The following GRID2 variants were observed in gnomAD, a reference collection of about 807,000 sequenced individuals.
The protein encoded by GRID2 is glutamate ionotropic receptor delta type subunit 2.
A neutral mutation model predicts 114.8 loss-of-function variants in GRID2; 33 were observed. The observed-to-expected ratio is 0.29, with a 90% confidence interval of 0.22 to 0.38. The LOEUF (loss-of-function observed/expected upper bound fraction) is 0.38, where lower values mean the gene tolerates loss of function less well. Ranked by LOEUF, GRID2 falls within the 10% of genes least tolerant of loss-of-function variation. The pLI, the probability that GRID2 is intolerant of heterozygous loss-of-function variation, is 1.00. For missense variants in GRID2, 1,184 were observed against 1,257.7 expected (o/e 0.94, Z 0.89); for synonymous variants, 505 against 449.9 (o/e 1.12, Z -1.55).
intron 1 of GRID2, among the ~76,000 whole-genome samples, chr4:92,469,108 ATACT>A (rs1181717662): frequency 6.6e-6 from 1 of 152,166 alleles, no homozygotes; most frequent in African/African-American, 2.4e-5. Context: ...ACTACCTAAC[ATACT>A]TAAGAAACTT....
At chr4:93,786,678 T>A (rs764044745) in intron 1 of GRID2, among the ~76,000 whole-genome samples, 1 of 152,090 alleles carries the variant, frequency 6.6e-6, no homozygotes, top group Non-Finnish European at 1.5e-5. Flanking sequence ...GAGTGAGAGG[T>A]CAGAAATTTA....
At chr4:93,163,938 A>G (rs1290455910) in intron 4 of GRID2, among the ~76,000 whole-genome samples, 1 of 151,980 alleles carries the variant, frequency 6.6e-6, no homozygotes, top group Non-Finnish European at 1.5e-5. Context: ...TACAGAAGTT[A>G]TAGCATGGAA....
At chr4:92,537,417 A>G (rs1725696475) in intron 1 of GRID2, among the ~76,000 whole-genome samples, 1 of 152,182 alleles carries the variant, frequency 6.6e-6, no homozygotes, top group South Asian at 2.1e-4. Flanking sequence ...GCTGCATTGA[A>G]TGTGTCCCTT....
intron 2 of GRID2, among the ~76,000 whole-genome samples, chr4:92,636,516 C>T (rs991713458): frequency 1.3e-5 from 2 of 152,060 alleles, no homozygotes; most frequent in Non-Finnish European, 2.9e-5. Context: ...ATCCATCCAT[C>T]ACTTGGTGAT....
chr4:92,332,423 C>A (rs1726940618), intron 1 of GRID2, among the ~76,000 whole-genome samples: 1 of 152,118 alleles, frequency 6.6e-6, no homozygotes, highest in South Asian at 2.1e-4. Flanking sequence ...CACTATTGCA[C>A]TGGGGAATAA....
chr4:92,886,780 C>A (rs1424997570), intron 2 of GRID2, among the ~76,000 whole-genome samples: 1 of 152,028 alleles, frequency 6.6e-6, no homozygotes, highest in African/African-American at 2.4e-5. Context: ...TGCCCGCCAC[C>A]ACGTCCGGCT....
chr4:92,935,779 G>A lies in GRID2; in HGVS notation c.245-149216G>A, dbSNP rs182934299. On this transcript the variant is annotated intron_variant, in intron 2 of 15. Coordinates refer to ENST00000282020, the MANE Select transcript of GRID2 (RefSeq NM_001510.4). ...AAATTATCATTCTGAGTAAACTATC[G>A]CAAGGACAAAAAACCAAACACTGCA... Among the ~76,000 whole-genome samples, 20 of 144,774 alleles carry A rather than the reference G, an allele frequency of 1.4e-4. 1 individual carries two copies. The highest frequency in any genetic ancestry group is 7.1e-4 in the South Asian group (3 of 4,196). 95.0% of individuals were successfully genotyped at this position (144,774 alleles called of 152,430 possible). A position where few individuals can be genotyped will look rare whatever the true frequency, so the allele number is the denominator to read the frequency against.
At chr4:93,123,589 C>T (rs545287052) in intron 4 of GRID2, among the ~76,000 whole-genome samples, 7 of 152,184 alleles carry the variant, frequency 4.6e-5, no homozygotes, top group South Asian at 2.1e-4. Flanking sequence ...GCTGTAAACA[C>T]GAAGTGTGCA....
intron 1 of GRID2, among the ~76,000 whole-genome samples, chr4:92,338,385 T>C (rs547026298): frequency 6.6e-5 from 10 of 152,302 alleles, no homozygotes; most frequent in Middle Eastern, 3.4e-3. Context: ...ATTGCATTCG[T>C]ATAATTTTGG....
chr4:92,470,121 G>C (rs536812747), intron 1 of GRID2, among the ~76,000 whole-genome samples: 1 of 151,848 alleles, frequency 6.6e-6, no homozygotes, highest in Middle Eastern at 3.4e-3. Context: ...TTTAACACAG[G>C]ATGGACTAGA....
At chr4:92,696,083 G>A (rs939932457) in intron 2 of GRID2, among the ~76,000 whole-genome samples, 9 of 152,070 alleles carry the variant, frequency 5.9e-5, no homozygotes, top group Admixed American at 1.3e-4. Flanking sequence ...ATATGTTCAG[G>A]AAAAAGTACA....
Position 93,656,269 on chromosome 4 carries a change from T to G in GRID2, c.2360+29834T>G, listed in dbSNP as rs59590034. ...AACAGATAAATGTATTTTGTCTAAG[T>G]GGGAACTATTTAAATATTAAATAAA... On this transcript the variant is annotated intron_variant, in intron 14 of 15. Coordinates refer to ENST00000282020, the MANE Select transcript of GRID2 (RefSeq NM_001510.4). 6.3e-3 allele frequency among the ~76,000 whole-genome samples: 961 copies of G among 152,120 alleles called. 13 individuals carry two copies. The highest frequency in any genetic ancestry group is 0.021 in the African/African-American group (890 of 41,512).
chr4:92,802,209 C>T (rs1740206016), intron 2 of GRID2, among the ~76,000 whole-genome samples: 2 of 151,780 alleles, frequency 1.3e-5, no homozygotes, highest in Admixed American at 6.6e-5. Context: ...GCCCCCGTCC[C>T]TACATACACT....
At chr4:92,346,645 C>G (rs904569663) in intron 1 of GRID2, among the ~76,000 whole-genome samples, 1 of 152,138 alleles carries the variant, frequency 6.6e-6, no homozygotes, top group Non-Finnish European at 1.5e-5. Flanking sequence ...CATGAGCCAC[C>G]GTGCCCAGCC....
intron 13 of GRID2, among the ~76,000 whole-genome samples, chr4:93,596,273 T>C (rs1177782053): frequency 6.6e-6 from 1 of 152,214 alleles, no homozygotes; most frequent in African/African-American, 2.4e-5. Flanking sequence ...AATATGGCTT[T>C]CTTAGAAAAT....
At chr4:92,839,134 C>T (rs981946658) in intron 2 of GRID2, among the ~76,000 whole-genome samples, 1 of 152,020 alleles carries the variant, frequency 6.6e-6, no homozygotes, top group African/African-American at 2.4e-5. Context: ...CTTGATGCAT[C>T]CTTGAAGAAC....
intron 2 of GRID2, among the ~76,000 whole-genome samples, chr4:93,056,159 G>A (rs573713719): frequency 2.0e-5 from 3 of 151,884 alleles, no homozygotes; most frequent in Non-Finnish European, 2.9e-5. Context: ...AGTATATCAA[G>A]CCTCACCCAA....
intron 13 of GRID2, among the ~76,000 whole-genome samples, chr4:93,532,824 T>A (rs1731586190): frequency 1.3e-5 from 2 of 152,132 alleles, no homozygotes; most frequent in African/African-American, 2.4e-5. Flanking sequence ...CTCCACATAT[T>A]ATACACAATA....
At chr4:92,704,234 C>T (rs1008976826) in intron 2 of GRID2, among the ~76,000 whole-genome samples, 4 of 152,048 alleles carry the variant, frequency 2.6e-5, no homozygotes, top group African/African-American at 4.8e-5. Context: ...GCCGAGATCG[C>T]GCCACTGCAC....
Sources: allele counts gnomAD v4.1 joint callset (sites outside exome capture counted in the v4.1 genomes callset), GRCh38; gene constraint gnomAD v4.1.1; transcripts MANE v1.5; gene names NCBI Gene and HGNC (gene_info 2026-07-23, HGNC 2026-07-21).